The following NBEA variants were observed in gnomAD, a reference collection of about 807,000 sequenced individuals.
NBEA encodes the protein neurobeachin, also known as lysosomal-trafficking regulator 2.
Under a neutral mutation model 343.4 loss-of-function variants are expected in NBEA, and 44 were observed. That is an observed-to-expected ratio of 0.13 (90% CI 0.10 to 0.16). The LOEUF is 0.16. Ranked by LOEUF, NBEA falls within the 10% of genes least tolerant of loss-of-function variation. The probability of loss-of-function intolerance (pLI) is 1.00; values close to 1 mark genes in which losing one functional copy is unlikely to be tolerated. For synonymous variants in NBEA, 1,175 were observed against 1,238.7 expected (o/e 0.95, Z 1.08); for missense variants, 2,555 against 3,631.3 (o/e 0.70, Z 7.62).
intron 38 of NBEA, among the ~76,000 whole-genome samples, chr13:35,355,007 A>T (rs1405446428): frequency 6.6e-6 from 1 of 152,036 alleles, no homozygotes; most frequent in Non-Finnish European, 1.5e-5. Flanking sequence ...AGGCAACTCC[A>T]TTCTTACTGT....
intron 49 of NBEA, among the ~76,000 whole-genome samples, chr13:35,631,975 A>C (rs1459744329): frequency 1.3e-5 from 2 of 152,184 alleles, no homozygotes; most frequent in Admixed American, 1.3e-4. Flanking sequence ...CTGGGCAGAA[A>C]CATGACAGTA....
intron 49 of NBEA, among the ~76,000 whole-genome samples, chr13:35,640,545 TTAAG>T (rs918897946): frequency 3.9e-5 from 6 of 152,178 alleles, no homozygotes; most frequent in African/African-American, 1.2e-4. Context: ...AGAGAACTTG[TTAAG>T]TAAGGAAAAA....
chr13:35,588,539 C>T (rs979837156), intron 46 of NBEA, among the ~76,000 whole-genome samples: 1 of 152,076 alleles, frequency 6.6e-6, no homozygotes, highest in African/African-American at 2.4e-5. Context: ...TAATTAACTA[C>T]ATACTTCATT....
At chr13:35,410,401 C>A (rs2043513202) in intron 38 of NBEA, among the ~76,000 whole-genome samples, 1 of 152,008 alleles carries the variant, frequency 6.6e-6, no homozygotes, top group Admixed American at 6.6e-5. Flanking sequence ...ATATAATAAC[C>A]AGATAATAAT....
intron 38 of NBEA, among the ~76,000 whole-genome samples, chr13:35,421,200 C>T (rs1373070024): frequency 6.6e-6 from 1 of 151,848 alleles, no homozygotes. Context: ...TCATTCAGTT[C>T]TGTATTCTTT....
chr13:35,336,501 A>G (rs190836773), intron 36 of NBEA, among the ~76,000 whole-genome samples: 5 of 152,236 alleles, frequency 3.3e-5, no homozygotes, highest in African/African-American at 1.2e-4. Context: ...ATTACCATTT[A>G]ACCCAGCAAT....
At chr13:35,328,178 A>C (rs965573809) in intron 36 of NBEA, among the ~76,000 whole-genome samples, 4 of 152,028 alleles carry the variant, frequency 2.6e-5, no homozygotes, top group African/African-American at 9.7e-5. Flanking sequence ...AAGTCACAGG[A>C]TACAGGACCA....
At chr13:35,307,016 T>C (rs903967458) in intron 35 of NBEA, among the ~76,000 whole-genome samples, 1 of 152,060 alleles carries the variant, frequency 6.6e-6, no homozygotes, top group Non-Finnish European at 1.5e-5. Context: ...TCCAACAAAT[T>C]CAGACAACAG....
chr13:35,233,077 C>T (rs950892881), intron 34 of NBEA, among the ~76,000 whole-genome samples: 2 of 152,034 alleles, frequency 1.3e-5, no homozygotes, highest in African/African-American at 4.8e-5. Context: ...AATTGATGAA[C>T]CCATTGTCTC....
chr13:35,570,661 T>G (rs1450255906), intron 45 of NBEA, among the ~76,000 whole-genome samples: 1 of 152,224 alleles, frequency 6.6e-6, no homozygotes, highest in Non-Finnish European at 1.5e-5. Flanking sequence ...AATTAAAGCC[T>G]CTTGATATGT....
chr13:35,579,586 C>T (rs1354697275), intron 45 of NBEA, among the ~76,000 whole-genome samples: 1 of 151,970 alleles, frequency 6.6e-6, no homozygotes, highest in Admixed American at 6.6e-5. Context: ...CAGAATGTTT[C>T]AAGGTACAAT....
intron 10 of NBEA, among the ~76,000 whole-genome samples, chr13:35,084,623 G>A (rs2064630227): frequency 6.6e-6 from 1 of 152,118 alleles, no homozygotes; most frequent in Non-Finnish European, 1.5e-5. Context: ...GCCCATAAGA[G>A]TAAGCAGGAA....
chr13:35,107,087 T>C (rs2065956898), intron 11 of NBEA, among the ~76,000 whole-genome samples: 1 of 151,934 alleles, frequency 6.6e-6, no homozygotes, highest in South Asian at 2.1e-4. Context: ...AAAAATAGAA[T>C]GTATAAGATA....
chr13:35,562,113 A>C (rs1210344941), intron 44 of NBEA, among the ~76,000 whole-genome samples: 1 of 151,994 alleles, frequency 6.6e-6, no homozygotes, highest in African/African-American at 2.4e-5. Context: ...TTTCCATTTC[A>C]CTAAATATTC....
At chr13:35,119,779 C>T (rs1176549793) in intron 16 of NBEA, among the ~76,000 whole-genome samples, 7 of 151,992 alleles carry the variant, frequency 4.6e-5, no homozygotes, top group African/African-American at 7.2e-5. Context: ...TTAGTAGAGA[C>T]GGGGTTTCAC....
chr13:35,442,627 T>A (rs1465680211), intron 39 of NBEA, among the ~76,000 whole-genome samples: 6 of 152,206 alleles, frequency 3.9e-5, no homozygotes, highest in East Asian at 3.8e-4. Context: ...TGCACTTTTT[T>A]AATTGCATTT....
chr13:35,535,365 G>A (rs1163562049), intron 41 of NBEA, among the ~76,000 whole-genome samples: 7 of 152,150 alleles, frequency 4.6e-5, no homozygotes, highest in Non-Finnish European at 7.3e-5. Flanking sequence ...GACAGAACAC[G>A]CAAAACCGTT....
At chr13:34,955,298 C>T (rs1354242062) in intron 1 of NBEA, among the ~76,000 whole-genome samples, 1 of 151,676 alleles carries the variant, frequency 6.6e-6, no homozygotes, top group Non-Finnish European at 1.5e-5. Flanking sequence ...TGTGCTATTG[C>T]TAGAGTCAAG....
At chr13:35,435,477 A>G (rs1187421050) in intron 39 of NBEA, among the ~76,000 whole-genome samples, 2 of 152,000 alleles carry the variant, frequency 1.3e-5, no homozygotes, top group African/African-American at 2.4e-5. Context: ...GTTAGGGGTA[A>G]TAGGGTGCCA....
Sources: allele counts gnomAD v4.1 joint callset (sites outside exome capture counted in the v4.1 genomes callset), GRCh38; gene constraint gnomAD v4.1.1; transcripts MANE v1.5; gene names NCBI Gene and HGNC (gene_info 2026-07-23, HGNC 2026-07-21).